Variants in RRM2 observed in about 807,000 individuals in gnomAD.
RRM2 encodes ribonucleoside-diphosphate reductase subunit M2.
Under a neutral mutation model 45.9 loss-of-function variants are expected in RRM2, and 6 were observed. The ratio of observed to expected loss-of-function variants is 0.13; its 90% CI spans 0.07 to 0.26. The LOEUF (loss-of-function observed/expected upper bound fraction) is 0.26. Ranked by LOEUF, RRM2 falls within the 10% of genes least tolerant of loss-of-function variation. The pLI is 1.00. For missense variants in RRM2, 343 were observed against 489.5 expected, an observed-to-expected ratio of 0.70 and a Z score of 2.82; for synonymous variants, 177 against 173.0, an observed-to-expected ratio of 1.02 and a Z score of -0.18.
intron 3 of RRM2, among the ~76,000 whole-genome samples, chr2:10,186,338 G>A (rs1664166259): frequency 7.2e-6 from 1 of 139,270 alleles, no homozygotes; most frequent in Admixed American, 7.5e-5. Flanking sequence ...TGTATTTTTA[G>A]TAGAGACGGA....
chr2:10,161,874 A>G (rs1663565775), intron 3 of RRM2, among the ~76,000 whole-genome samples: 1 of 152,176 alleles, frequency 6.6e-6, no homozygotes, highest in African/African-American at 2.4e-5. Flanking sequence ...TTGCACTTCC[A>G]CTGCTCTGAC....
rs753276719 is a variant in RRM2, at chr2:10,123,005, G to C, written c.122G>C (p.Arg41Pro). 2 of 1,562,666 alleles carry C rather than the reference G, an allele frequency of 1.3e-6. No homozygotes were observed. The highest frequency in any genetic ancestry group is 1.7e-6 in the Non-Finnish European group (2 of 1,160,764). Residue 41 changes from arginine (R) to proline (P), a missense_variant, in exon 2 of 10, where the codon CGC becomes CCC. Physicochemically the swap from Arg to Pro is moderately radical, Grantham distance 103 (BLOSUM62 -2). Around this residue, in one of 2 missense-constraint regions of RRM2, gnomAD observed 131 missense variants for 121.4 expected, o/e 1.08. Transcript: ENST00000304567. ...CAGCCGCCGGCCCTGAGCGGGACCC[G>C]CGTCCTGGCCAGCAAGACCGCGAGG... ...ENTPPALSGT[R>P]VLASKTARRI... is the part of the protein sequence containing the mutation.
intron 3 of RRM2, among the ~76,000 whole-genome samples, chr2:10,161,090 C>G (rs1045385707): frequency 6.6e-6 from 1 of 152,188 alleles, no homozygotes; most frequent in Admixed American, 6.5e-5. Context: ...TTTTTTGACA[C>G]AGGGTCTCGC....
At chr2:10,159,594 CAAGAA>C (rs1380500432) in intron 3 of RRM2, among the ~76,000 whole-genome samples, 1 of 152,192 alleles carries the variant, frequency 6.6e-6, no homozygotes, top group East Asian at 1.9e-4. Context: ...AATGGTGCAG[CAAGAA>C]AAGAAAGACT....
At chr2:10,176,672 G>C (rs1161945064) in intron 3 of RRM2, among the ~76,000 whole-genome samples, 1 of 152,204 alleles carries the variant, frequency 6.6e-6, no homozygotes, top group Non-Finnish European at 1.5e-5. Flanking sequence ...ATTCATCAAT[G>C]TGTACAGCAC....
intron 3 of RRM2, among the ~76,000 whole-genome samples, chr2:10,162,183 G>A (rs1663575314): frequency 2.0e-5 from 3 of 152,264 alleles, no homozygotes; most frequent in East Asian, 3.9e-4. Context: ...CGGGATGCCC[G>A]GGTGCACAGA....
chr2:10,197,229 G>A (rs1664435261), intron 3 of RRM2, among the ~76,000 whole-genome samples: 1 of 152,260 alleles, frequency 6.6e-6, no homozygotes, highest in African/African-American at 2.4e-5. Context: ...GCGGATCGAG[G>A]GAAGTCACAG....
upstream of RRM2, among the ~76,000 whole-genome samples, chr2:10,138,156 A>G (rs1335934312): frequency 7.2e-6 from 1 of 139,614 alleles, no homozygotes; most frequent in African/African-American, 2.7e-5. Context: ...TCCTGCCATC[A>G]TGCCCGGCTA....
chr2:10,162,475 A>G (rs567993815), intron 3 of RRM2, among the ~76,000 whole-genome samples: 6 of 152,214 alleles, frequency 3.9e-5, no homozygotes, highest in African/African-American at 1.4e-4. Flanking sequence ...ATATGGAGAT[A>G]GAGAACCCCT....
In RRM2 at chr2:10,195,830, G is replaced by A. The variant is rs1023960922; in HGVS notation, n.483-14481G>A. Among the ~76,000 whole-genome samples the A allele has an allele frequency of 2.0e-5, 3 of 152,204 alleles. No homozygotes were observed. Among genetic ancestry groups the A allele is most frequent in the Admixed American group, 1.3e-4 (2 of 15,288 alleles). ...CCTGGCCTGGCCGATGCTGTGTTAG[G>A]ATAAACGTGCTAAGGAGGCTCTGGA... On this transcript the variant is annotated intron_variant and non_coding_transcript_variant, in intron 3 of 3. Transcript: ENST00000381786. This position sits in a 1 kb window ranked among gnomAD's most constrained non-coding sequence, Gnocchi z 4.9.
chr2:10,148,563 C>T (rs1663242188), intron 3 of RRM2, among the ~76,000 whole-genome samples: 4 of 152,306 alleles, frequency 2.6e-5, no homozygotes, highest in African/African-American at 9.6e-5. Flanking sequence ...GTGGGAAAGT[C>T]TGAGTCTAAC....
intron 1 of RRM2, chr2:10,141,687 G>T: frequency 1.0e-6 from 1 of 967,952 alleles, no homozygotes; most frequent in Non-Finnish European, 1.5e-6. Context: ...GAGGGCAAGA[G>T]ACCTCGACCT....
intron 3 of RRM2, among the ~76,000 whole-genome samples, chr2:10,178,000 C>T (rs1663966846): frequency 1.3e-5 from 2 of 151,506 alleles, no homozygotes. Flanking sequence ...CGGCTCACTG[C>T]AAGCTCCGCC....
In RRM2 at chr2:10,127,690, G is replaced by C. The variant is rs1572489128; in HGVS notation, c.798+470G>C. Among the ~76,000 whole-genome samples, 2 of 151,622 alleles carry C rather than the reference G, an allele frequency of 1.3e-5. No homozygotes were observed. The highest frequency in any genetic ancestry group is 1.3e-4 in the Admixed American group (2 of 15,226). On this transcript the variant is annotated intron_variant, in intron 7 of 9. Coordinates refer to ENST00000304567, the MANE Select transcript of RRM2 (RefSeq NM_001034.4). The surrounding 1 kb of genome is among the most constrained non-coding windows in gnomAD (Gnocchi z 4.1). ...GGTTTCACCATGTTTGCCAGACTGGGGTTGAACTCCTGACCTCAGGTGATC... is the reference window on the plus strand; with the variant it reads ...GGTTTCACCATGTTTGCCAGACTGGCGTTGAACTCCTGACCTCAGGTGATC...
At chr2:10,173,133 C>T (rs980525280) in intron 3 of RRM2, among the ~76,000 whole-genome samples, 12 of 152,102 alleles carry the variant, frequency 7.9e-5, no homozygotes, top group Non-Finnish European at 1.2e-4. Context: ...CCCAGTTTTC[C>T]GCATCTGCAA....
Position 10,185,260 on chromosome 2 carries a change from C to T in RRM2, n.483-25051C>T, listed in dbSNP as rs1035954378. Among the ~76,000 whole-genome samples the T allele has an allele frequency of 6.2e-5, 9 of 145,310 alleles. No individual in the cohort carries two copies. Among genetic ancestry groups the T allele is most frequent in the African/African-American group, 2.2e-4 (9 of 40,766 alleles). Reference sequence around the variant, plus strand: ...AAGAGACAGAGAGAGAGCGTGAAAGCGAGACAGAGCGTGAGAGTGAGAGAG... The same window carrying T: ...AAGAGACAGAGAGAGAGCGTGAAAGTGAGACAGAGCGTGAGAGTGAGAGAG... On this transcript the variant is annotated intron_variant and non_coding_transcript_variant, in intron 3 of 3. Coordinates refer to the RRM2 transcript ENST00000381786. This position sits in a 1 kb window ranked among gnomAD's most constrained non-coding sequence, Gnocchi z 4.3.
intron 3 of RRM2, among the ~76,000 whole-genome samples, chr2:10,146,586 C>T (rs1302654796): frequency 6.6e-6 from 1 of 152,230 alleles, no homozygotes; most frequent in African/African-American, 2.4e-5. Flanking sequence ...AACGCTGTGT[C>T]CCCTCTGTCC....
chr2:10,173,500 C>T (rs893926757), intron 3 of RRM2, among the ~76,000 whole-genome samples: 6 of 152,184 alleles, frequency 3.9e-5, no homozygotes, highest in African/African-American at 1.4e-4. Flanking sequence ...GTCTGTCCCC[C>T]TACCTCCCTC....
At chr2:10,126,235 A>G (rs1662778532) in intron 5 of RRM2, among the ~76,000 whole-genome samples, 1 of 150,540 alleles carries the variant, frequency 6.6e-6, no homozygotes, top group African/African-American at 2.4e-5. Flanking sequence ...ACACAAAGTC[A>G]TCTGGGTAGG....
Sources: gnomAD v4.1 joint callset for allele counts (sites outside exome capture counted in the v4.1 genomes callset) on GRCh38, gnomAD v4.1.1 for gene constraint, gnomAD v4.1.1 regional missense constraint, Gnocchi (gnomAD v3.1) non-coding constraint, MANE v1.5 for transcripts, NCBI Gene and HGNC (gene_info 2026-07-23, HGNC 2026-07-21) for gene names.